MARCO: variants seen among roughly 807,000 people sequenced by gnomAD.
The protein encoded by MARCO is macrophage receptor with collagenous structure.
In MARCO, 72 loss-of-function variants were observed where a neutral mutation model predicts 70.0. The ratio of observed to expected loss-of-function variants is 1.03; its 90% confidence interval spans 0.85 to 1.25. The LOEUF (loss-of-function observed/expected upper bound fraction) is 1.25. Ranked by LOEUF, MARCO falls within the 50% of genes most tolerant of loss-of-function variation. The pLI is 0.00. For missense variants in MARCO, 696 were observed against 659.3 expected, an observed-to-expected ratio of 1.06 and a Z score of -0.61; for synonymous variants, 273 against 243.1, an observed-to-expected ratio of 1.12 and a Z score of -1.14.
At chr2:118,951,862 ACT>A (rs1573375639) in intron 1 of MARCO, among the ~76,000 whole-genome samples, 1 of 142,274 alleles carries the variant, frequency 7.0e-6, no homozygotes, top group Non-Finnish European at 1.6e-5. Flanking sequence ...TCTTTCTCTC[ACT>A]CTCTGATTCT....
At chr2:118,987,553 T>A (rs1680540648) in intron 12 of MARCO, among the ~76,000 whole-genome samples, 1 of 152,150 alleles carries the variant, frequency 6.6e-6, no homozygotes, top group Non-Finnish European at 1.5e-5. Context: ...CTGGGAGGAT[T>A]CAGATGCGAG....
chr2:118,969,104 G>T, intron 1 of MARCO, 56 bp from the exon 2 acceptor site: 1 of 1,271,686 alleles, frequency 7.9e-7, no homozygotes, highest in South Asian at 1.2e-5. Flanking sequence ...AGCAGGCAGG[G>T]ACTTCCTGTG....
At chr2:118,968,184 C>T (rs1005800447) in intron 1 of MARCO, among the ~76,000 whole-genome samples, 1 of 152,160 alleles carries the variant, frequency 6.6e-6, no homozygotes, top group Non-Finnish European at 1.5e-5. Flanking sequence ...GGGGCCCTCC[C>T]TTTAATACCC....
chr2:118,983,278 C>T (rs1680428678), intron 12 of MARCO, among the ~76,000 whole-genome samples: 1 of 152,212 alleles, frequency 6.6e-6, no homozygotes, highest in South Asian at 2.1e-4. Context: ...GAAGGTCACG[C>T]TTGTGTCAGA....
Position 118,994,629 on chromosome 2 carries a change from A to G in MARCO, c.*109A>G, listed in dbSNP as rs1680688936. ...GGGGACAACTGAGCAGCCTCTGGAG[A>G]GGGGCCATTAATAAAGCTCAACATC... On this transcript the variant is annotated 3_prime_UTR_variant, in exon 17 of 17. Transcript: ENST00000327097. The G allele has an allele frequency of 3.6e-6, 4 of 1,100,568 alleles. No individual in the cohort carries two copies. Among genetic ancestry groups the G allele is most frequent in the Admixed American group, 2.5e-5 (1 of 39,382 alleles). The allele number at this position is 1,100,568 out of a possible 1,614,324, so 68.2% of individuals were successfully genotyped here. A position where few individuals can be genotyped will look rare whatever the true frequency, so the allele number is the denominator to read the frequency against.
chr2:118,944,692 T>G (rs1053390369), intron 1 of MARCO: 1 of 152,122 alleles, frequency 6.6e-6, no homozygotes, highest in Non-Finnish European at 1.5e-5. Context: ...GATACTGGAC[T>G]AGGAAAGTTT....
chr2:118,992,802 C>A (rs930345088), intron 15 of MARCO, among the ~76,000 whole-genome samples: 2 of 150,414 alleles, frequency 1.3e-5, no homozygotes, highest in Non-Finnish European at 3.0e-5. Flanking sequence ...TCTCTCCATT[C>A]TTTCCTTCCT....
chr2:118,987,180 G>A (rs946223970), intron 12 of MARCO, among the ~76,000 whole-genome samples: 7 of 152,208 alleles, frequency 4.6e-5, no homozygotes, highest in African/African-American at 1.7e-4. Context: ...AACCCTTTCA[G>A]CTTGATAAGC....
chr2:118,942,356 C>G lies in MARCO; in HGVS notation c.56C>G (p.Ala19Gly), dbSNP rs141017045. The G allele has an allele frequency of 6.2e-7, 1 of 1,613,716 alleles. No homozygotes were observed. The highest frequency in any genetic ancestry group is 8.5e-7 in the Non-Finnish European group (1 of 1,179,820). ...EDELLSETQQ[A>G]AFHQIAMEPF... The stretch of plus-strand genomic sequence containing the variant: ...GAGCTCTTGAGTGAGACCCAACAAG[C>G]TGCTTTTCACCAAATTGCAATGGAG... Residue 19 changes from alanine to glycine, a missense_variant, in exon 1 of 17, where the codon GCT (alanine) becomes GGT (glycine). Ala to Gly is a moderately conservative substitution (Grantham distance 60). Around this residue, in one of 3 missense-constraint regions of MARCO, gnomAD observed 605 missense variants for 537.6 expected, o/e 1.13. Transcript: ENST00000327097.
chr2:118,964,887 C>CAA (rs35141497), intron 1 of MARCO, among the ~76,000 whole-genome samples: 17,914 of 133,118 alleles, frequency 0.13, 1,560 homozygotes, highest in Middle Eastern at 0.23. Flanking sequence ...GATACCATCT[C>CAA]AAAAAAAAAA....
chr2:118,962,712 G>T (rs527365712), intron 1 of MARCO, among the ~76,000 whole-genome samples: 1 of 151,950 alleles, frequency 6.6e-6, no homozygotes, highest in Non-Finnish European at 1.5e-5. Flanking sequence ...TGTTTATTAC[G>T]ATATGCTGGT....
chr2:118,977,534 G>A lies in MARCO; in HGVS notation c.658+19G>A. On this transcript the variant is annotated intron_variant, in intron 7 of 16. Transcript: ENST00000327097. The stretch of plus-strand genomic sequence containing the variant: ...GCCACTGGTAACTTGTACTTGCTCT[G>A]CTAGGGACAAATGATGCATAGCCTG... 1.9e-6 allele frequency: 3 copies of A among 1,612,650 alleles called. No individual in the cohort carries two copies. The highest frequency in any genetic ancestry group is 2.5e-6 in the Non-Finnish European group (3 of 1,178,818).
intron 1 of MARCO, among the ~76,000 whole-genome samples, chr2:118,958,168 A>T (rs532976407): frequency 4.8e-4 from 73 of 151,004 alleles, no homozygotes; most frequent in African/African-American, 1.6e-3. Context: ...AGACAAGATT[A>T]AAAAAAAAGG....
At chr2:118,970,445 C>A in intron 3 of MARCO, 107 bp downstream of exon 3, 1 of 844,444 alleles carries the variant, frequency 1.2e-6, no homozygotes, top group Non-Finnish European at 1.9e-6. Context: ...GTGTGACCTC[C>A]AAGAGCCAGG....
At chr2:118,953,257 G>T (rs149281792) in intron 1 of MARCO, among the ~76,000 whole-genome samples, 128 of 152,344 alleles carry the variant, frequency 8.4e-4, no homozygotes, top group Middle Eastern at 3.4e-3. Flanking sequence ...AGTTACATAG[G>T]CTAGGGCTTA....
intron 1 of MARCO, chr2:118,949,612 T>C (rs1021515038): frequency 3.4e-5 from 5 of 147,852 alleles, no homozygotes; most frequent in Non-Finnish European, 5.9e-5. Flanking sequence ...GGAATAGTAA[T>C]GGATTTAAGC....
At chr2:118,992,387 T>A in intron 14 of MARCO, 45 bp from the exon 15 acceptor site, 1 of 1,580,070 alleles carries the variant, frequency 6.3e-7, no homozygotes, top group Non-Finnish European at 8.7e-7. Flanking sequence ...AAAGGCGTCC[T>A]GCCTGGGTTT....
At chr2:118,967,886 A>G (rs1251528737) in intron 1 of MARCO, among the ~76,000 whole-genome samples, 1 of 152,126 alleles carries the variant, frequency 6.6e-6, no homozygotes, top group African/African-American at 2.4e-5. Flanking sequence ...TCCCTTTCAG[A>G]TGTGCCCTTG....
rs754210778 is a variant in MARCO at position 118,974,443 on chromosome 2, A to G, written c.568+3A>G. 6.2e-7 allele frequency: 1 copy of G among 1,612,492 alleles called. No homozygotes were observed. The highest frequency in any genetic ancestry group is 1.7e-5 in the Admixed American group (1 of 59,874). On this transcript the variant is annotated splice_donor_region_variant and intron_variant, in intron 5 of 16. Transcript: ENST00000327097. ...TATGGGACGAGATGGAGCAACAGGT[A>G]CGGGTCTTTTTCTTCTGACCCTTAA...
Sources: gnomAD v4.1 joint callset for allele counts (sites outside exome capture counted in the v4.1 genomes callset) on GRCh38, gnomAD v4.1.1 for gene constraint, gnomAD v4.1.1 regional missense constraint, MANE v1.5 for transcripts, NCBI Gene and HGNC (gene_info 2026-07-23, HGNC 2026-07-21) for gene names.